Variants in TOP6BL observed in about 807,000 individuals in gnomAD.
TOP6BL encodes TOP6B like initiator of meiotic double strand breaks.
At chr11:66,761,411 A>C in the TOP6BL span, among the ~76,000 whole-genome samples, 1 of 152,100 alleles carries the variant, frequency 6.6e-6, no homozygotes, top group Non-Finnish European at 1.5e-5. Flanking sequence ...AAAAAGAAAA[A>C]AATGATAATA....
At chr11:66,759,811 G>A in the TOP6BL span, among the ~76,000 whole-genome samples, 1 of 152,094 alleles carries the variant, frequency 6.6e-6, no homozygotes, top group African/African-American at 2.4e-5. Flanking sequence ...TCGAACTTCT[G>A]AGCTCAGGCA....
chr11:66,818,553 G>A, the TOP6BL span, among the ~76,000 whole-genome samples: 1,642 of 152,218 alleles, frequency 0.011, 36 homozygotes, highest in African/African-American at 0.037. Flanking sequence ...AAGACATCAG[G>A]GTGGAATCAA....
At chr11:66,800,656 A>G in the TOP6BL span, 3 of 1,603,918 alleles carry the variant, frequency 1.9e-6, no homozygotes, top group Admixed American at 5.1e-5. Context: ...ATTTCATTTC[A>G]GTGTAAAGGT....
At chr11:66,784,934 G>A in the TOP6BL span, among the ~76,000 whole-genome samples, 1 of 128,074 alleles carries the variant, frequency 7.8e-6, no homozygotes, top group African/African-American at 2.9e-5. Context: ...TCTTTTTTTT[G>A]TATCTTTAAT....
chr11:66,758,994 G>C, the TOP6BL span: 1 of 1,354,912 alleles, frequency 7.4e-7, no homozygotes, highest in Admixed American at 2.2e-5. Flanking sequence ...TCTTTCAATA[G>C]AATGCATTTA....
At chr11:66,819,933 A>G in the TOP6BL span, among the ~76,000 whole-genome samples, 1 of 145,676 alleles carries the variant, frequency 6.9e-6, no homozygotes, top group Admixed American at 6.9e-5. Context: ...AAAATTGGCC[A>G]GGCATGGTGG....
chr11:66,811,325 G>A, the TOP6BL span, among the ~76,000 whole-genome samples: 1 of 152,090 alleles, frequency 6.6e-6, no homozygotes, highest in African/African-American at 2.4e-5. Flanking sequence ...CCGAGTAGCT[G>A]GGACTACATG....
At chr11:66,828,194 C>A in the TOP6BL span, 1 of 1,062,292 alleles carries the variant, frequency 9.4e-7, no homozygotes, top group Non-Finnish European at 1.4e-6. Context: ...CCTGTATAAA[C>A]TTTCTGTGAG....
chr11:66,837,589 A>G, the TOP6BL span, among the ~76,000 whole-genome samples: 1 of 151,240 alleles, frequency 6.6e-6, no homozygotes, highest in Non-Finnish European at 1.5e-5. Flanking sequence ...GGATTACAGG[A>G]GCCCACCACC....
chr11:66,745,171 G>T, the TOP6BL span, among the ~76,000 whole-genome samples: 2 of 152,152 alleles, frequency 1.3e-5, no homozygotes, highest in Admixed American at 1.3e-4. Flanking sequence ...CGTTTGCCGA[G>T]CACCGGCGGA....
chr11:66,814,239 G>GT, the TOP6BL span, among the ~76,000 whole-genome samples: 56 of 151,062 alleles, frequency 3.7e-4, 1 homozygote, highest in Middle Eastern at 6.8e-3. Flanking sequence ...GGCATTGCAT[G>GT]TTTTTTTTTG....
chr11:66,843,273 C>A, the TOP6BL span: 1 of 1,601,776 alleles, frequency 6.2e-7, no homozygotes. Context: ...GATCCGGAGG[C>A]TGCGGGCAGC....
the TOP6BL span, among the ~76,000 whole-genome samples, chr11:66,808,876 GAGAGA>G: frequency 1.4e-4 from 22 of 152,164 alleles, no homozygotes; most frequent in African/African-American, 5.1e-4. Context: ...AAAAAGAGAA[GAGAGA>G]AGAGAAAATA....
At chr11:66,813,395 A>C in the TOP6BL span, among the ~76,000 whole-genome samples, 3 of 152,270 alleles carry the variant, frequency 2.0e-5, no homozygotes, top group East Asian at 1.9e-4. Flanking sequence ...TAGTGGATCT[A>C]TCTCTGGTGC....
the TOP6BL span, among the ~76,000 whole-genome samples, chr11:66,835,801 A>G: frequency 2.0e-5 from 3 of 152,308 alleles, no homozygotes; most frequent in Middle Eastern, 3.4e-3. Context: ...TTTATCCATT[A>G]ATTAGTTGAT....
the TOP6BL span, among the ~76,000 whole-genome samples, chr11:66,782,404 C>T: frequency 6.6e-6 from 1 of 152,174 alleles, no homozygotes; most frequent in Non-Finnish European, 1.5e-5. Flanking sequence ...AGACCTTGGC[C>T]AAGGACTCAT....
the TOP6BL span, among the ~76,000 whole-genome samples, chr11:66,766,189 T>C: frequency 6.6e-6 from 1 of 152,234 alleles, no homozygotes; most frequent in Admixed American, 6.5e-5. Flanking sequence ...AAACAAGTGG[T>C]CTGACCCTTC....
chr11:66,820,832 AT>A, the TOP6BL span, among the ~76,000 whole-genome samples: 1 of 152,226 alleles, frequency 6.6e-6, no homozygotes, highest in African/African-American at 2.4e-5. Flanking sequence ...TCTTTAAAAA[AT>A]AATGTCATTC....
chr11:66,794,620 C>T, the TOP6BL span, among the ~76,000 whole-genome samples: 2 of 152,092 alleles, frequency 1.3e-5, no homozygotes, highest in Admixed American at 6.6e-5. Flanking sequence ...TACCTTAGCA[C>T]CATCCCTGCT....
Sources: allele counts gnomAD v4.1 joint callset (sites outside exome capture counted in the v4.1 genomes callset), GRCh38; gene constraint gnomAD v4.1.1; transcripts MANE v1.5; gene names NCBI Gene and HGNC (gene_info 2026-07-23, HGNC 2026-07-21).